Variants in VPS13A observed in about 807,000 individuals in gnomAD.
The protein encoded by VPS13A is vacuolar protein sorting 13 homolog A, also known as intermembrane lipid transfer protein VPS13A.
Under a neutral mutation model 390.9 loss-of-function variants are expected in VPS13A, and 264 were observed. The observed-to-expected ratio is 0.68, with a 90% CI of 0.61 to 0.75. The LOEUF (loss-of-function observed/expected upper bound fraction) is 0.75. Ranked by LOEUF, VPS13A falls within the 30% of genes least tolerant of loss-of-function variation. The probability of loss-of-function intolerance (pLI) is 0.00; values close to 1 mark genes in which losing one functional copy is unlikely to be tolerated. For missense variants in VPS13A, 3,409 were observed against 3,733.9 expected, an observed-to-expected ratio of 0.91 and a Z score of 2.27; for synonymous variants, 1,231 against 1,227.1, an observed-to-expected ratio of 1.00 and a Z score of -0.07.
Position 77,295,968 on chromosome 9 carries a change from T to C in VPS13A, c.3812+122T>C, listed in dbSNP as rs555639405. On this transcript the variant is annotated intron_variant, in intron 33 of 71. Coordinates refer to ENST00000360280, the MANE Select transcript of VPS13A (RefSeq NM_033305.3). ...ATTTTATTAATTATACATAACTTAG[T>C]GATTCTCTCTTCCTTAAGTATATTT... 3.4e-5 allele frequency: 34 copies of C among 1,014,532 alleles called. No individual in the cohort carries two copies. In the South Asian group the frequency reaches 4.9e-4, roughly 15 times the overall value. 62.8% of individuals were successfully genotyped at this position (1,014,532 alleles called of 1,614,324 possible).
At chr9:77,298,460 A>G (rs969441084) in intron 33 of VPS13A, among the ~76,000 whole-genome samples, 1 of 152,204 alleles carries the variant, frequency 6.6e-6, no homozygotes, top group African/African-American at 2.4e-5. Flanking sequence ...ATGAGAAGCC[A>G]GGAAAATGTA....
intron 50 of VPS13A, among the ~76,000 whole-genome samples, chr9:77,340,866 C>G (rs1312532177): frequency 2.6e-5 from 4 of 152,160 alleles, no homozygotes; most frequent in South Asian, 4.1e-4. Context: ...TACTTATTCT[C>G]TCTAGGAAGC....
chr9:77,326,052 T>C (rs995615371), intron 45 of VPS13A, among the ~76,000 whole-genome samples: 1 of 152,128 alleles, frequency 6.6e-6, no homozygotes, highest in Non-Finnish European at 1.5e-5. Context: ...GCAGGGTTTT[T>C]CCCCCCATAC....
At chr9:77,301,957 A>T (rs988603206) in intron 33 of VPS13A, among the ~76,000 whole-genome samples, 35 of 73,810 alleles carry the variant, frequency 4.7e-4, no homozygotes, top group African/African-American at 1.7e-3. Context: ...ACATAGAGAT[A>T]TTTTTTTTTT....
intron 68 of VPS13A, among the ~76,000 whole-genome samples, chr9:77,402,301 G>A (rs979896409): frequency 4.6e-5 from 7 of 151,934 alleles, no homozygotes; most frequent in Admixed American, 6.6e-5. Context: ...TTTTCTATAC[G>A]AAGATCATCA....
intron 52 of VPS13A, chr9:77,351,040 T>G (rs1197067707): frequency 5.7e-6 from 2 of 348,982 alleles, no homozygotes; most frequent in African/African-American, 4.3e-5. Context: ...TAATTTTCCA[T>G]AATTAATTTG....
Position 77,205,954 on chromosome 9 carries a change from T to C in VPS13A, c.284-24T>C, listed in dbSNP as rs963470152. 2.1e-6 allele frequency: 3 copies of C among 1,456,318 alleles called. No homozygotes were observed. In the Admixed American group the frequency reaches 6.1e-5, roughly 30 times the overall value. The allele number at this position is 1,456,318 out of a possible 1,614,324, so 90.2% of individuals were successfully genotyped here. On this transcript the variant is annotated intron_variant, in intron 4 of 71. Transcript: ENST00000360280. ...TATTTAAATTTAAGGTAGTTATGATTCTTCCTTTTTAATCTTCCTATAGGA... is the reference window on the plus strand; with the variant it reads ...TATTTAAATTTAAGGTAGTTATGATCCTTCCTTTTTAATCTTCCTATAGGA...
chr9:77,289,228 T>C (rs1310522983), intron 31 of VPS13A, among the ~76,000 whole-genome samples: 1 of 152,212 alleles, frequency 6.6e-6, no homozygotes, highest in Non-Finnish European at 1.5e-5. Flanking sequence ...CACATCTGGC[T>C]TAAAATGGGT....
chr9:77,339,504 T>TA lies in VPS13A; in HGVS notation c.6379-12_6379-11insA. 1 of 1,527,598 alleles carries TA rather than the reference T, an allele frequency of 6.5e-7. No homozygotes were observed. The highest frequency in any genetic ancestry group is 8.8e-7 in the Non-Finnish European group (1 of 1,138,378). 94.6% of individuals were successfully genotyped at this position (1,527,598 alleles called of 1,614,324 possible). Reference sequence around the variant, plus strand: ...TTTAAATTTTGTTTTGTTTTTTTTTTTTTTATTACAGGGAATTGAAAATTC... The same window carrying TA: ...TTTAAATTTTGTTTTGTTTTTTTTTTATTTTATTACAGGGAATTGAAAATTC... On this transcript the variant is annotated splice_polypyrimidine_tract_variant and intron_variant, in intron 47 of 71. Coordinates refer to ENST00000360280, the MANE Select transcript of VPS13A (RefSeq NM_033305.3).
chr9:77,200,976 T>C (rs1411139562), intron 2 of VPS13A, among the ~76,000 whole-genome samples: 1 of 152,144 alleles, frequency 6.6e-6, no homozygotes, highest in East Asian at 1.9e-4. Context: ...GGGAGAACGT[T>C]TTGAAAGTTT....
In VPS13A at chr9:77,382,258, AT is replaced by A. The variant is rs749473427; in HGVS notation, c.9189+180del. 410 of 1,472,828 alleles carry A rather than the reference AT, an allele frequency of 2.8e-4. 1 individual carries two copies. The highest frequency in any genetic ancestry group is 1.1e-3 in the Middle Eastern group (5 of 4,506). 91.2% of individuals were successfully genotyped at this position (1,472,828 alleles called of 1,614,324 possible). ...TTAAAGTACATTTATTTACTATAAG[AT>A]TTTTTTTTCTTTTTTACAGGCATCA... On this transcript the variant is annotated intron_variant, in intron 68 of 71. Coordinates refer to ENST00000360280, the MANE Select transcript of VPS13A (RefSeq NM_033305.3).
At chr9:77,343,398 G>A (rs1396467272) in intron 50 of VPS13A, among the ~76,000 whole-genome samples, 1 of 152,320 alleles carries the variant, frequency 6.6e-6, no homozygotes, top group East Asian at 1.9e-4. Flanking sequence ...CTCAAGTCAT[G>A]TGATGATGAT....
intron 20 of VPS13A, among the ~76,000 whole-genome samples, chr9:77,248,220 T>C (rs936073340): frequency 6.6e-6 from 1 of 151,704 alleles, no homozygotes; most frequent in Non-Finnish European, 1.5e-5. Flanking sequence ...TTTTTTTCTT[T>C]CTTTTTTTTT....
At chr9:77,199,444 A>G (rs1341523927) in intron 1 of VPS13A, among the ~76,000 whole-genome samples, 3 of 152,158 alleles carry the variant, frequency 2.0e-5, no homozygotes, top group Admixed American at 1.3e-4. Context: ...CATTACCTGT[A>G]TGTTACAGCT....
chr9:77,280,041 A>T (rs1235639550), intron 26 of VPS13A, 118 bp from the exon 27 acceptor site: 2 of 695,052 alleles, frequency 2.9e-6, no homozygotes, highest in Non-Finnish European at 4.7e-6. Context: ...GTAGAATCCA[A>T]GGTCCAGAAC....
In VPS13A at chr9:77,355,944, C is replaced by G. The variant is rs549589167; in HGVS notation, c.7653-770C>G. 2.0e-5 allele frequency among the ~76,000 whole-genome samples: 3 copies of G among 152,296 alleles called. No homozygotes were observed. In the South Asian group the frequency reaches 6.2e-4, roughly 32 times the overall value. ...TTTCCTGCTTCTAATCTTGACTCCA[C>G]TCTTTTTTCTTTCCATCCACTTCAA... is the stretch of plus-strand genomic sequence containing the variant. On this transcript the variant is annotated intron_variant, in intron 54 of 71. Coordinates refer to ENST00000360280, the MANE Select transcript of VPS13A (RefSeq NM_033305.3).
At chr9:77,367,359 A>T (rs912743139) in intron 61 of VPS13A, among the ~76,000 whole-genome samples, 14 of 152,218 alleles carry the variant, frequency 9.2e-5, no homozygotes, top group Admixed American at 3.9e-4. Context: ...AGAGATTCAG[A>T]ATGTCTGAGT....
chr9:77,256,977 A>G (rs1825483209), intron 22 of VPS13A, among the ~76,000 whole-genome samples: 1 of 152,074 alleles, frequency 6.6e-6, no homozygotes, highest in South Asian at 2.1e-4. Flanking sequence ...TTGAGAAAAA[A>G]TATATTTACA....
At chr9:77,375,069 G>A (rs531109804) in intron 67 of VPS13A, among the ~76,000 whole-genome samples, 1 of 152,224 alleles carries the variant, frequency 6.6e-6, no homozygotes, top group African/African-American at 2.4e-5. Context: ...AATATAATGT[G>A]TTGAGTCGTA....
Sources: gnomAD v4.1 joint callset for allele counts (sites outside exome capture counted in the v4.1 genomes callset) on GRCh38, gnomAD v4.1.1 for gene constraint, MANE v1.5 for transcripts, NCBI Gene and HGNC (gene_info 2026-07-23, HGNC 2026-07-21) for gene names.